The following GPRIN1 variants were observed in gnomAD, a reference collection of about 807,000 sequenced individuals.
The protein encoded by GPRIN1 is G protein-regulated inducer of neurite outgrowth 1.
A neutral mutation model predicts 2.8 loss-of-function variants in GPRIN1; 4 were observed. The ratio of observed to expected loss-of-function variants is 1.45; its 90% CI spans 0.71 to 3.32. The LOEUF is 3.32. Among genes scored for constraint, GPRIN1 ranks in the 30% most tolerant of loss-of-function variants. The pLI is 0.01. For missense variants in GPRIN1, 1,322 were observed against 1,343.4 expected (o/e 0.98, Z 0.25); for synonymous variants, 589 against 589.9 (o/e 1.00, Z 0.02).
At chr5:176,600,901 G>C (rs1351553834) in intron 1 of GPRIN1, among the ~76,000 whole-genome samples, 1 of 152,144 alleles carries the variant, frequency 6.6e-6, no homozygotes, top group Non-Finnish European at 1.5e-5. Flanking sequence ...GGGCAACAGA[G>C]CAAGACTCCA....
intron 1 of GPRIN1, among the ~76,000 whole-genome samples, chr5:176,603,672 T>TG (rs1232560139): frequency 3.3e-5 from 5 of 152,134 alleles, no homozygotes; most frequent in South Asian, 2.1e-4. Flanking sequence ...ATGGGACTTA[T>TG]GGGGGGTGAC....
chr5:176,609,884 C>A (rs1337153546), intron 1 of GPRIN1, 115 bp downstream of exon 1: 1 of 151,114 alleles, frequency 6.6e-6, no homozygotes, highest in African/African-American at 2.4e-5. Context: ...GTGTCCGAGC[C>A]CCGCCGCCGG....
In GPRIN1 at chr5:176,596,817, C is replaced by T. The variant is rs778128489; in HGVS notation, c.3018G>A (p.Thr1006=). The change falls in exon 2 of 2, where the codon ACG becomes ACA. Residue 1006 remains threonine (T), a synonymous_variant. Transcript: ENST00000303991. The surrounding 1 kb of genome is among the most constrained non-coding windows in gnomAD (Gnocchi z 5.2). ...RPRCCSRAGP[T]AE ...ACAAAATGGGGGCAGATCACTCGGC[C>T]GTGGGTCCCGCCCGCGAGCAGCACC... is the stretch of plus-strand genomic sequence containing the variant. The T allele has an allele frequency of 1.4e-6, 2 of 1,421,710 alleles. No homozygotes were observed. The highest frequency in any genetic ancestry group is 1.8e-6 in the Non-Finnish European group (2 of 1,085,968). 88.1% of individuals were successfully genotyped at this position (1,421,710 alleles called of 1,614,324 possible).
chr5:176,597,380 G>T lies in GPRIN1; in HGVS notation c.2455C>A (p.Gln819Lys), dbSNP rs1465395122. The T allele has an allele frequency of 1.6e-6, 2 of 1,277,750 alleles. No individual in the cohort carries two copies. Among genetic ancestry groups the T allele is most frequent in the South Asian group, 2.7e-5 (1 of 36,652 alleles). The allele number at this position is 1,277,750 out of a possible 1,614,324, so 79.2% of individuals were successfully genotyped here. Reference protein sequence around the residue: ...REDAGTQAGAQACVSVAVSPM... With the variant: ...REDAGTQAGAKACVSVAVSPM... ...CTCACGGCCACTGAGACGCAGGCCT[G>T]CGCGCCCGCCTGAGTGCCCGCGTCC... Residue 819 changes from glutamine (Q) to lysine (K), a missense_variant, in exon 2 of 2, where the codon CAG becomes AAG. Gln to Lys is a moderately conservative substitution (Grantham distance 53). This residue lies in a region of GPRIN1 where 1,117 missense variants were observed against 1,128.6 expected (regional missense o/e 0.99). Transcript: ENST00000303991. This position sits in a 1 kb window ranked among gnomAD's most constrained non-coding sequence, Gnocchi z 6.1.
At position 176,602,738 on chromosome 5, in the gene GPRIN1, G is replaced by T. The variant is rs1410601305; in HGVS notation, c.-43-2861C>A. Reference sequence around the variant, plus strand: ...TGGGGTACACAAGGGCATGGCTAGTGATGAGAACAAGACGGGGAGGCAGGT... The same window carrying T: ...TGGGGTACACAAGGGCATGGCTAGTTATGAGAACAAGACGGGGAGGCAGGT... On this transcript the variant is annotated intron_variant, in intron 1 of 1. Transcript: ENST00000303991. The surrounding 1 kb of genome is among the most constrained non-coding windows in gnomAD (Gnocchi z 4.4). Among the ~76,000 whole-genome samples the T allele has an allele frequency of 6.6e-6, 1 of 152,168 alleles. No individual in the cohort carries two copies. Among genetic ancestry groups the T allele is most frequent in the East Asian group, 1.9e-4 (1 of 5,192 alleles).
At chr5:176,609,629 G>A (rs1371590812) in intron 1 of GPRIN1, among the ~76,000 whole-genome samples, 1 of 152,034 alleles carries the variant, frequency 6.6e-6, no homozygotes, top group African/African-American at 2.4e-5. Context: ...CCTCCCCCCA[G>A]TGGCGGGAAG....
In GPRIN1 at chr5:176,597,799, T is replaced by C. The variant is rs1419600477; in HGVS notation, c.2036A>G (p.Glu679Gly). The C allele has an allele frequency of 1.8e-5, 29 of 1,604,860 alleles. No homozygotes were observed. Among genetic ancestry groups the C allele is most frequent in the Non-Finnish European group, 2.5e-5 (29 of 1,175,360 alleles). ...KVDPGSCRKA[E>G]PLASGKGEPV... ...CTCTCCCTTCCCTGAGGCAAGGGGC[T>C]CTGCTTTTCTGCAGGATCCAGGATC... The change falls in exon 2 of 2, where the codon GAG becomes GGG. Residue 679 changes from glutamate to glycine, a missense_variant. This residue lies in a region of GPRIN1 where 1,117 missense variants were observed against 1,128.6 expected (regional missense o/e 0.99). Transcript: ENST00000303991. The surrounding 1 kb of genome is among the most constrained non-coding windows in gnomAD (Gnocchi z 6.1).
At position 176,596,991 on chromosome 5, in the gene GPRIN1, C is replaced by A. The variant is rs1293771765; in HGVS notation, c.2844G>T (p.Glu948Asp). The A allele has an allele frequency of 6.4e-6, 9 of 1,409,866 alleles. No individual in the cohort carries two copies. The highest frequency in any genetic ancestry group is 8.4e-6 in the Non-Finnish European group (9 of 1,075,580). 87.3% of individuals were successfully genotyped at this position (1,409,866 alleles called of 1,614,324 possible). A position where few individuals can be genotyped will look rare whatever the true frequency, so the allele number is the denominator to read the frequency against. Residue 948 changes from glutamate to aspartate, a missense_variant, in exon 2 of 2, where the codon GAG becomes GAT. Glu to Asp is a conservative substitution (Grantham distance 45). Coordinates refer to ENST00000303991, the MANE Select transcript of GPRIN1 (RefSeq NM_052899.3). The surrounding 1 kb of genome is among the most constrained non-coding windows in gnomAD (Gnocchi z 5.2). The stretch of plus-strand genomic sequence containing the variant: ...GCGCGGGCGCCCCTTGGCGGCCGTG[C>A]TCCTCGATCTGTCGCTCCAGATGCT... ...IQKHLERQIE[E>D]HGRQGAPAPP...
At chr5:176,609,619 C>A (rs1403425924) in intron 1 of GPRIN1, among the ~76,000 whole-genome samples, 1 of 152,056 alleles carries the variant, frequency 6.6e-6, no homozygotes, top group East Asian at 1.9e-4. Flanking sequence ...GGGAGGACGC[C>A]CTCCCCCCAG....
At position 176,610,082 on chromosome 5, in the gene GPRIN1, C is replaced by G. The variant is rs1378834943; in HGVS notation, c.-127G>C. 1 of 151,476 alleles carries G rather than the reference C, an allele frequency of 6.6e-6. No individual in the cohort carries two copies. Among genetic ancestry groups the G allele is most frequent in the African/African-American group, 2.4e-5 (1 of 41,050 alleles). 9.4% of individuals were successfully genotyped at this position (151,476 alleles called of 1,614,324 possible). A position where few individuals can be genotyped will look rare whatever the true frequency, so the allele number is the denominator to read the frequency against. ...GCCGCCGCCGCCCGAGCGGCCTCGG[C>G]TGCCTCCGGCCGGGCTGGCGGGAGG... On this transcript the variant is annotated 5_prime_UTR_variant, in exon 1 of 2. Coordinates refer to ENST00000303991, the MANE Select transcript of GPRIN1 (RefSeq NM_052899.3).
At chr5:176,601,506 G>A (rs1442287600) in intron 1 of GPRIN1, among the ~76,000 whole-genome samples, 1 of 152,162 alleles carries the variant, frequency 6.6e-6, no homozygotes, top group African/African-American at 2.4e-5. Flanking sequence ...CGGTCTGCAG[G>A]GTACTGGCTA....
At chr5:176,608,491 G>A (rs1759259365) in intron 1 of GPRIN1, among the ~76,000 whole-genome samples, 1 of 152,246 alleles carries the variant, frequency 6.6e-6, no homozygotes, top group South Asian at 2.1e-4. Context: ...GGAGTGAACA[G>A]ACTGCTTGTG....
rs2113344330 is a variant in GPRIN1 at position 176,596,662 on chromosome 5, G to T, written c.*146C>A. ...TTCTTCTGTATTTGTGATGGGAGGG[G>T]CTGGAAAGACGGGGACGCAACAGCC... is the stretch of plus-strand genomic sequence containing the variant. On this transcript the variant is annotated 3_prime_UTR_variant, in exon 2 of 2. Transcript: ENST00000303991. This position sits in a 1 kb window ranked among gnomAD's most constrained non-coding sequence, Gnocchi z 5.2. The T allele has an allele frequency of 1.7e-6, 1 of 590,798 alleles. No homozygotes were observed. 36.6% of individuals were successfully genotyped at this position (590,798 alleles called of 1,614,324 possible). A position where few individuals can be genotyped will look rare whatever the true frequency, so the allele number is the denominator to read the frequency against.
At chr5:176,608,044 G>C (rs1759249763) in intron 1 of GPRIN1, among the ~76,000 whole-genome samples, 1 of 149,270 alleles carries the variant, frequency 6.7e-6, no homozygotes, top group Non-Finnish European at 1.5e-5. Context: ...TCCCTCATCA[G>C]ACTCCTAAGT....
rs753734877 is a variant in GPRIN1 at position 176,596,864 on chromosome 5, G to T, written c.2971C>A (p.Leu991Met). ...KRPPGLFRAL[L>M]QSVRRPRCCS... ...CACCGCGGCCGGCGCACACTCTGCAGCAGCGCGCGGAACAGGCCGGGCGGA... is the reference window on the plus strand; with the variant it reads ...CACCGCGGCCGGCGCACACTCTGCATCAGCGCGCGGAACAGGCCGGGCGGA... Residue 991 changes from leucine to methionine, a missense_variant, in exon 2 of 2, where the codon CTG (leucine) becomes ATG (methionine). By Grantham distance (15) the Leu-to-Met change is conservative. Around this residue, in one of 3 missense-constraint regions of GPRIN1, gnomAD observed 196 missense variants for 189.2 expected, o/e 1.04. Transcript: ENST00000303991. This position sits in a 1 kb window ranked among gnomAD's most constrained non-coding sequence, Gnocchi z 5.2. 1 of 1,385,750 alleles carries T rather than the reference G, an allele frequency of 7.2e-7. No individual in the cohort carries two copies. The highest frequency in any genetic ancestry group is 1.8e-5 in the South Asian group (1 of 56,828). 85.8% of individuals were successfully genotyped at this position (1,385,750 alleles called of 1,614,324 possible). A position where few individuals can be genotyped will look rare whatever the true frequency, so the allele number is the denominator to read the frequency against.
chr5:176,598,772 G>A lies in GPRIN1; in HGVS notation c.1063C>T (p.Pro355Ser), dbSNP rs1425773097. 6.2e-7 allele frequency: 1 copy of A among 1,613,484 alleles called. No individual in the cohort carries two copies. The highest frequency in any genetic ancestry group is 1.3e-5 in the African/African-American group (1 of 74,930). The change falls in exon 2 of 2, where the codon CCC becomes TCC. Residue 355 changes from proline to serine, a missense_variant. By Grantham distance (74) the Pro-to-Ser change is moderately conservative. Coordinates refer to ENST00000303991, the MANE Select transcript of GPRIN1 (RefSeq NM_052899.3). Reference sequence around the variant, plus strand: ...GTTTCTACATTTCCCACAGATGCGGGATCTGCCATCCCCAAGCATGTGGGA... The same window carrying A: ...GTTTCTACATTTCCCACAGATGCGGAATCTGCCATCCCCAAGCATGTGGGA... ...LDPTCLGMAD[P>S]ASVGNVETVP...
chr5:176,600,344 C>A (rs1169495338), intron 1 of GPRIN1, among the ~76,000 whole-genome samples: 1 of 152,056 alleles, frequency 6.6e-6, no homozygotes, highest in African/African-American at 2.4e-5. Context: ...CTCAGGTGAT[C>A]CGCCCACCTC....
chr5:176,608,936 C>T (rs986602295), intron 1 of GPRIN1, among the ~76,000 whole-genome samples: 10 of 152,236 alleles, frequency 6.6e-5, no homozygotes, highest in African/African-American at 2.4e-4. Flanking sequence ...TGCTGCCCCT[C>T]GTCCCCTTCT....
intron 1 of GPRIN1, among the ~76,000 whole-genome samples, chr5:176,609,314 G>A (rs1759273618): frequency 6.6e-6 from 1 of 152,130 alleles, no homozygotes; most frequent in Non-Finnish European, 1.5e-5. Context: ...TGTGATCCGC[G>A]ATGGCTGGTT....
Sources: allele counts gnomAD v4.1 joint callset (sites outside exome capture counted in the v4.1 genomes callset), GRCh38; gene constraint gnomAD v4.1.1; regional missense constraint gnomAD v4.1.1; non-coding constraint Gnocchi (gnomAD v3.1); transcripts MANE v1.5; gene names NCBI Gene and HGNC (gene_info 2026-07-23, HGNC 2026-07-21).